Variants in B3GALT1 observed in about 807,000 individuals in gnomAD.
B3GALT1 encodes UDP-Gal:betaGlcNAc beta 1,3-galactosyltransferase, polypeptide 1.
B3GALT1 carries 10 observed loss-of-function variants against 23.2 expected under a neutral mutation model. The observed-to-expected ratio is 0.43, with a 90% CI of 0.27 to 0.73. B3GALT1 has a LOEUF of 0.73. Ranked by LOEUF, B3GALT1 falls within the 30% of genes least tolerant of loss-of-function variation. The probability of loss-of-function intolerance (pLI) is 0.21; values close to 1 mark genes in which losing one functional copy is unlikely to be tolerated. For synonymous variants in B3GALT1, 156 were observed against 141.5 expected (o/e 1.10, Z -0.73); for missense variants, 299 against 405.4 (o/e 0.74, Z 2.25).
intron 1 of B3GALT1, among the ~76,000 whole-genome samples, chr2:167,455,571 TG>T (rs1316131947): frequency 6.6e-6 from 1 of 152,292 alleles, no homozygotes; most frequent in East Asian, 1.9e-4. Context: ...TGGAGTGCAG[TG>T]GTGCGATCTC....
At chr2:167,789,093 A>G (rs905655367) in intron 3 of B3GALT1, among the ~76,000 whole-genome samples, 2 of 152,144 alleles carry the variant, frequency 1.3e-5, no homozygotes, top group African/African-American at 4.8e-5. Context: ...CATTTTTTAA[A>G]TTGGTGCGAG....
intron 3 of B3GALT1, among the ~76,000 whole-genome samples, chr2:167,799,315 G>A (rs1688596349): frequency 2.0e-5 from 3 of 152,108 alleles, no homozygotes; most frequent in Admixed American, 6.6e-5. Context: ...GTACCCAATA[G>A]GTGATTTTTA....
intron 3 of B3GALT1, among the ~76,000 whole-genome samples, chr2:167,694,656 G>C (rs1451872063): frequency 6.6e-6 from 1 of 152,050 alleles, no homozygotes; most frequent in Non-Finnish European, 1.5e-5. Context: ...AACAAAAATG[G>C]AAGCTGCATG....
At chr2:167,354,894 A>G (rs1396434824) in intron 1 of B3GALT1, among the ~76,000 whole-genome samples, 1 of 152,186 alleles carries the variant, frequency 6.6e-6, no homozygotes, top group African/African-American at 2.4e-5. Flanking sequence ...CTCATATTAT[A>G]CATCAACCAT....
chr2:167,388,824 T>C (rs1319223167), intron 1 of B3GALT1, among the ~76,000 whole-genome samples: 2 of 152,130 alleles, frequency 1.3e-5, no homozygotes, highest in African/African-American at 4.8e-5. Context: ...TGTACTATAA[T>C]AAGAATACAA....
intron 2 of B3GALT1, among the ~76,000 whole-genome samples, chr2:167,637,274 C>G (rs892761899): frequency 1.3e-5 from 2 of 152,012 alleles, no homozygotes; most frequent in Non-Finnish European, 2.9e-5. Flanking sequence ...ACTAAAACAT[C>G]ATGGGGATTC....
At chr2:167,422,354 A>G (rs1698560759) in intron 1 of B3GALT1, among the ~76,000 whole-genome samples, 1 of 152,050 alleles carries the variant, frequency 6.6e-6, no homozygotes, top group Non-Finnish European at 1.5e-5. Flanking sequence ...CTTGATCTTG[A>G]CTTTCTAGCC....
intron 2 of B3GALT1, among the ~76,000 whole-genome samples, chr2:167,515,442 C>T (rs1700086591): frequency 6.6e-6 from 1 of 152,118 alleles, no homozygotes; most frequent in African/African-American, 2.4e-5. Context: ...TGATGAGCCA[C>T]TGAATAGTGT....
chr2:167,466,895 T>TC (rs1168346884), intron 1 of B3GALT1, among the ~76,000 whole-genome samples: 1 of 147,340 alleles, frequency 6.8e-6, no homozygotes, highest in African/African-American at 2.5e-5. Flanking sequence ...TTTTTTTTTT[T>TC]TTTTTGTATT....
At chr2:167,818,231 A>G (rs904447244) in intron 3 of B3GALT1, among the ~76,000 whole-genome samples, 5 of 152,218 alleles carry the variant, frequency 3.3e-5, no homozygotes, top group Admixed American at 2.0e-4. Flanking sequence ...TAAAAAATCT[A>G]TATTTCTGTT....
chr2:167,390,135 T>G (rs1483078316), intron 1 of B3GALT1, among the ~76,000 whole-genome samples: 2 of 152,058 alleles, frequency 1.3e-5, no homozygotes, highest in Non-Finnish European at 2.9e-5. Flanking sequence ...TATTGATAGC[T>G]TCCAAGTCCT....
intron 3 of B3GALT1, among the ~76,000 whole-genome samples, chr2:167,655,762 A>G (rs1407967447): frequency 1.3e-5 from 2 of 152,142 alleles, no homozygotes; most frequent in Non-Finnish European, 2.9e-5. Flanking sequence ...CATATGCCTT[A>G]TTAAATTCTG....
chr2:167,682,472 T>C (rs2105493919), intron 3 of B3GALT1, among the ~76,000 whole-genome samples: 1 of 152,352 alleles, frequency 6.6e-6, no homozygotes, highest in East Asian at 1.9e-4. Context: ...GCATTCCTTC[T>C]AAAAGGTTTA....
intron 1 of B3GALT1, among the ~76,000 whole-genome samples, chr2:167,442,993 G>T (rs529402493): frequency 1.3e-5 from 2 of 151,548 alleles, no homozygotes; most frequent in Non-Finnish European, 2.9e-5. Flanking sequence ...TTCTTCTAGG[G>T]TTTTTATGGT....
At chr2:167,805,213 G>T (rs1045208451) in intron 3 of B3GALT1, among the ~76,000 whole-genome samples, 1 of 152,160 alleles carries the variant, frequency 6.6e-6, no homozygotes, top group Non-Finnish European at 1.5e-5. Flanking sequence ...GTTCATTGTA[G>T]ATTCTGGATA....
intron 1 of B3GALT1, among the ~76,000 whole-genome samples, chr2:167,483,152 G>A (rs778535081): frequency 1.4e-4 from 22 of 151,908 alleles, no homozygotes; most frequent in East Asian, 3.9e-4. Flanking sequence ...AATTAGCTGG[G>A]CGTGGTGACG....
intron 4 of B3GALT1, among the ~76,000 whole-genome samples, chr2:167,840,729 A>G (rs1203134230): frequency 2.0e-5 from 3 of 151,508 alleles, no homozygotes; most frequent in Admixed American, 6.6e-5. Context: ...ATGCACATGT[A>G]TGTTTATTGC....
chr2:167,327,497 T>C (rs752280036), intron 1 of B3GALT1, among the ~76,000 whole-genome samples: 1 of 152,118 alleles, frequency 6.6e-6, no homozygotes, highest in Non-Finnish European at 1.5e-5. Flanking sequence ...GTAAATGGTA[T>C]TGCCTTCTTG....
intron 1 of B3GALT1, among the ~76,000 whole-genome samples, chr2:167,386,858 A>G (rs1289481408): frequency 1.3e-5 from 2 of 152,168 alleles, no homozygotes; most frequent in Admixed American, 6.5e-5. Flanking sequence ...TTTTTCCCCA[A>G]ATAAAAGTAG....
Sources: gnomAD v4.1 joint callset for allele counts (sites outside exome capture counted in the v4.1 genomes callset) on GRCh38, gnomAD v4.1.1 for gene constraint, MANE v1.5 for transcripts, NCBI Gene and HGNC (gene_info 2026-07-23, HGNC 2026-07-21) for gene names.